SIGLEC1: variants seen among roughly 807,000 people sequenced by gnomAD.
SIGLEC1 encodes sialic acid binding Ig like lectin 1.
In SIGLEC1, 132 loss-of-function variants were observed where a neutral mutation model predicts 148.0. That is an observed-to-expected ratio of 0.89 (90% confidence interval 0.77 to 1.03). The LOEUF is 1.03. Among genes scored for constraint, SIGLEC1 ranks in the 50% least tolerant of loss-of-function variants. SIGLEC1 has a pLI of 0.00. For missense variants in SIGLEC1, 2,253 were observed against 2,271.4 expected (o/e 0.99, Z 0.16); for synonymous variants, 945 against 969.0 (o/e 0.98, Z 0.46).
chr20:3,704,370 T>C (rs529735130), intron 4 of SIGLEC1, among the ~76,000 whole-genome samples: 131 of 152,324 alleles, frequency 8.6e-4, no homozygotes, highest in Admixed American at 1.6e-3. Context: ...TGCTTCCCAA[T>C]GCTGTCCATT....
chr20:3,706,021 G>A lies in SIGLEC1; in HGVS notation c.429C>T (p.Thr143=), dbSNP rs775700529. Reference sequence around the variant, plus strand: ...CGAGAAGCTCCACCGGGGAGGCAATGGTGGGCACCCTGGGCTCCTCTGAGG... The same window carrying A: ...CGAGAAGCTCCACCGGGGAGGCAATAGTGGGCACCCTGGGCTCCTCTGAGG... ...VTVTEEPRVP[T]IASPVELLEG... Residue 143 remains threonine, a synonymous_variant, in exon 4 of 22, where the codon ACC becomes ACT. Transcript: ENST00000344754. 2 of 1,613,142 alleles carry A rather than the reference G, an allele frequency of 1.2e-6. No homozygotes were observed. The highest frequency in any genetic ancestry group is 1.7e-6 in the Non-Finnish European group (2 of 1,179,780).
chr20:3,706,687 G>A lies in SIGLEC1; in HGVS notation c.69C>T (p.Val23=), dbSNP rs781595384. The A allele has an allele frequency of 6.5e-7, 1 of 1,548,514 alleles. No homozygotes were observed. Among genetic ancestry groups the A allele is most frequent in the Non-Finnish European group, 8.7e-7 (1 of 1,144,322 alleles). The part of the protein sequence containing the change: ...FFPAGQASWG[V]SSPQDVQGVK... ...CACCCTGCACGTCCTGGGGACTGGAGACGCCCCATGAGGCCTGGCCTGGGG... is the reference window on the plus strand; with the variant it reads ...CACCCTGCACGTCCTGGGGACTGGAAACGCCCCATGAGGCCTGGCCTGGGG... The change falls in exon 3 of 22, where the codon GTC becomes GTT. Residue 23 remains valine (V), a synonymous_variant. Coordinates refer to ENST00000344754, the MANE Select transcript of SIGLEC1 (RefSeq NM_023068.4).
intron 1 of SIGLEC1, among the ~76,000 whole-genome samples, chr20:3,709,038 T>C (rs2056581311): frequency 1.6e-5 from 2 of 122,778 alleles, no homozygotes; most frequent in Non-Finnish European, 3.3e-5. Flanking sequence ...AGTGAGACTC[T>C]TCTGTCTCAA....
chr20:3,697,101 C>T lies in SIGLEC1; in HGVS notation c.2364G>A (p.Val788=), dbSNP rs1254037564. The T allele has an allele frequency of 8.7e-6, 14 of 1,611,998 alleles. No individual in the cohort carries two copies. Among genetic ancestry groups the T allele is most frequent in the Non-Finnish European group, 1.2e-5 (14 of 1,180,002 alleles). Residue 788 remains valine, a synonymous_variant, in exon 10 of 22, where the codon GTG becomes GTA. Transcript: ENST00000344754. The part of the protein sequence containing the change: ...TEAGAQLSTP[V]LLSVLYPPDR... Reference sequence around the variant, plus strand: ...GTCACCCACAGAGTACACTCAGGAGCACGGGAGTGGAGAGCTGGGCACCAG... The same window carrying T: ...GTCACCCACAGAGTACACTCAGGAGTACGGGAGTGGAGAGCTGGGCACCAG...
At position 3,706,397 on chromosome 20, in the gene SIGLEC1, C is replaced by T. The variant is rs1160848089; in HGVS notation, c.359G>A (p.Ser120Asn). 1 of 1,614,088 alleles carries T rather than the reference C, an allele frequency of 6.2e-7. No individual in the cohort carries two copies. The highest frequency in any genetic ancestry group is 8.5e-7 in the Non-Finnish European group (1 of 1,179,996). Reference sequence around the variant, plus strand: ...CACATCTGACCAGCGGTTGACCTCACTGATCTCGAAGCGGAAGTTGTAGGA... The same window carrying T: ...CACATCTGACCAGCGGTTGACCTCATTGATCTCGAAGCGGAAGTTGTAGGA... Reference protein sequence around the residue: ...SGSYNFRFEISEVNRWSDVKG... With the variant: ...SGSYNFRFEINEVNRWSDVKG... Residue 120 changes from serine to asparagine, a missense_variant, in exon 3 of 22, where the codon AGT (serine) becomes AAT (asparagine). Transcript: ENST00000344754.
chr20:3,705,465 A>C (rs1313850777), intron 4 of SIGLEC1, among the ~76,000 whole-genome samples: 3 of 152,142 alleles, frequency 2.0e-5, no homozygotes. Context: ...CTGAAGCTGC[A>C]TGGGAGCTCC....
Position 3,698,097 on chromosome 20 carries a change from T to G in SIGLEC1, c.1823A>C (p.Asp608Ala), listed in dbSNP as rs1163007754. The change falls in exon 9 of 22, where the codon GAC becomes GCC. Residue 608 changes from aspartate (D) to alanine (A), a missense_variant. Transcript: ENST00000344754. ...PRQPTFTTRL[D>A]LDAAGAGAGR... ...AGCCCCGGCCCCAGCGGCATCAAGG[T>G]CCAGCCTGGTGGTGAATGTTGGTTG... 4.4e-6 allele frequency: 7 copies of G among 1,606,052 alleles called. No homozygotes were observed. In the South Asian group the frequency reaches 6.6e-5, roughly 15 times the overall value.
chr20:3,692,851 C>T lies in SIGLEC1; in HGVS notation c.3778+11G>A. ...TCCATCCCAGTGGGCTTGGCCTAGGCCCTGCCTTACCCTCCAGCCGCAGCT... is the reference window on the plus strand; with the variant it reads ...TCCATCCCAGTGGGCTTGGCCTAGGTCCTGCCTTACCCTCCAGCCGCAGCT... On this transcript the variant is annotated intron_variant, in intron 15 of 21. Coordinates refer to ENST00000344754, the MANE Select transcript of SIGLEC1 (RefSeq NM_023068.4). 6.2e-7 allele frequency: 1 copy of T among 1,606,086 alleles called. No homozygotes were observed. Among genetic ancestry groups the T allele is most frequent in the Non-Finnish European group, 8.5e-7 (1 of 1,177,186 alleles).
rs1449192260 is a variant in SIGLEC1, at chr20:3,706,334, C to A, written c.409+13G>T. 1 of 1,597,008 alleles carries A rather than the reference C, an allele frequency of 6.3e-7. No homozygotes were observed. Among genetic ancestry groups the A allele is most frequent in the South Asian group, 1.1e-5 (1 of 90,312 alleles). On this transcript the variant is annotated intron_variant, in intron 3 of 21. Transcript: ENST00000344754. ...TCCCTCCCGGGGGGCAGCCAGGCCA[C>A]CCCACTTATCACCTGTTACTGTGAC...
At chr20:3,708,480 A>C (rs2087910993) in intron 1 of SIGLEC1, among the ~76,000 whole-genome samples, 1 of 152,190 alleles carries the variant, frequency 6.6e-6, no homozygotes, top group Non-Finnish European at 1.5e-5. Context: ...AAAATTTAAA[A>C]CTTGGCCAGA....
At chr20:3,689,266 C>T (rs201407437) in intron 20 of SIGLEC1, 39 bp from the exon 21 acceptor site, 3 of 1,551,402 alleles carry the variant, frequency 1.9e-6, no homozygotes, top group East Asian at 2.2e-5. Flanking sequence ...CCTCTCCCCT[C>T]CCCACCTCCT....
At chr20:3,693,253 G>C in intron 14 of SIGLEC1, 122 bp from the exon 15 acceptor site, 7 of 1,251,462 alleles carry the variant, frequency 5.6e-6, no homozygotes, top group Non-Finnish European at 7.6e-6. Context: ...CAACCACCCA[G>C]TCTGAGGCAC....
In SIGLEC1 at chr20:3,692,894, T is replaced by A. The variant is rs745730209; in HGVS notation, c.3746A>T (p.Gln1249Leu). 1.9e-6 allele frequency: 3 copies of A among 1,611,654 alleles called. No homozygotes were observed. The highest frequency in any genetic ancestry group is 1.7e-5 in the Admixed American group (1 of 59,972). ...CCGCAGCTCCAGGGACGTGTTGGCC[T>A]GGCCCAGAGGGCTGCGGGCAGAGCA... ...YSCSARSPLGQANTSLELRLE... is the reference protein window; with the variant it reads ...YSCSARSPLGLANTSLELRLE... The change falls in exon 15 of 22, where the codon CAG becomes CTG. Residue 1249 changes from glutamine (Q) to leucine (L), a missense_variant. Transcript: ENST00000344754.
chr20:3,694,297 C>T lies in SIGLEC1; in HGVS notation c.3180G>A (p.Glu1060=), dbSNP rs767916455. ...LRLEIHGAML[E]DEGVYICEAS... ...CCTCACAGATATAGACACCCTCATC[C>T]TCCAGCATAGCCCCGTGGATCTCCA... Residue 1060 remains glutamate, a synonymous_variant, in exon 13 of 22, where the codon GAG becomes GAA. Transcript: ENST00000344754. The T allele has an allele frequency of 4.3e-6, 7 of 1,613,148 alleles. No individual in the cohort carries two copies. The South Asian group carries it at 7.7e-5, about 18-fold the overall frequency.
At position 3,705,843 on chromosome 20, in the gene SIGLEC1, G is replaced by A; in HGVS notation, c.607C>T (p.His203Tyr). ...PTGVGHLETLHMAMSWQDHGR... is the reference protein window; with the variant it reads ...PTGVGHLETLYMAMSWQDHGR... ...TGGTCCTGCCAGGACATGGCCATGT[G>A]GAGGGTCTCCAGGTGGCCGACGCCG... Residue 203 changes from histidine (H) to tyrosine (Y), a missense_variant, in exon 4 of 22, where the codon CAC becomes TAC. Coordinates refer to ENST00000344754, the MANE Select transcript of SIGLEC1 (RefSeq NM_023068.4). 1 of 1,614,154 alleles carries A rather than the reference G, an allele frequency of 6.2e-7. No individual in the cohort carries two copies. The highest frequency in any genetic ancestry group is 8.5e-7 in the Non-Finnish European group (1 of 1,180,054).
rs766645786 is a variant in SIGLEC1 at position 3,692,930 on chromosome 20, C to T, written c.3710G>A (p.Gly1237Asp). ...GCTGCGGGCAGAGCAGCTGTAGAAACCCTCATCCCTGGGCTGTGGCCCTCG... is the reference window on the plus strand; with the variant it reads ...GCTGCGGGCAGAGCAGCTGTAGAAATCCTCATCCCTGGGCTGTGGCCCTCG... ...ELRGPQPRDE[G>D]FYSCSARSPL... is the part of the protein sequence containing the mutation. Residue 1237 changes from glycine to aspartate, a missense_variant, in exon 15 of 22, where the codon GGT (glycine) becomes GAT (aspartate). By Grantham distance (94) the Gly-to-Asp change is moderately conservative. Transcript: ENST00000344754. 3.1e-6 allele frequency: 5 copies of T among 1,612,616 alleles called. No individual in the cohort carries two copies. The highest frequency in any genetic ancestry group is 1.1e-5 in the South Asian group (1 of 91,084).
At chr20:3,705,619 G>A in intron 4 of SIGLEC1, 125 bp downstream of exon 4, 1 of 1,023,452 alleles carries the variant, frequency 9.8e-7, no homozygotes, top group East Asian at 2.4e-5. Flanking sequence ...TACCCTGGAG[G>A]CCCAGGAGCA....
Position 3,694,530 on chromosome 20 carries a change from C to CAT in SIGLEC1, c.2945_2946dup (p.Ala983MetfsTer11). ...GTAGTGAGTGTGACGTGGCGTGGGGCATCTACACAGGGTGGGGAGTGGTCA... is the reference window on the plus strand; with the variant it reads ...GTAGTGAGTGTGACGTGGCGTGGGGCATATCTACACAGGGTGGGGAGTGGTCA... On this transcript the variant is annotated frameshift_variant and splice_region_variant, in exon 13 of 22. Transcript: ENST00000344754. LOFTEE classifies it high-confidence loss of function. 6.4e-7 allele frequency: 1 copy of CAT among 1,554,040 alleles called. No individual in the cohort carries two copies. The highest frequency in any genetic ancestry group is 1.2e-5 in the South Asian group (1 of 81,664).
At position 3,701,498 on chromosome 20, in the gene SIGLEC1, C is replaced by G; in HGVS notation, c.1372G>C (p.Asp458His). 6.2e-7 allele frequency: 1 copy of G among 1,614,070 alleles called. No homozygotes were observed. The highest frequency in any genetic ancestry group is 8.5e-7 in the Non-Finnish European group (1 of 1,180,026). Residue 458 changes from aspartate (D) to histidine (H), a missense_variant, in exon 7 of 22, where the codon GAC becomes CAC. Asp to His is a moderately conservative substitution (Grantham distance 81). Coordinates refer to ENST00000344754, the MANE Select transcript of SIGLEC1 (RefSeq NM_023068.4). ...CTGAAGCGTGGGCTGTGATCACTGT[C>G]CCCGGAGGTGGAGGCCAGGATATGA... ...GGHILASTSG[D>H]SDHSPRFSGT... is the part of the protein sequence containing the mutation.
Sources: gnomAD v4.1 joint callset for allele counts (sites outside exome capture counted in the v4.1 genomes callset) on GRCh38, gnomAD v4.1.1 for gene constraint, MANE v1.5 for transcripts, NCBI Gene and HGNC (gene_info 2026-07-23, HGNC 2026-07-21) for gene names.